The following SBNO2 variants were observed in gnomAD, a reference collection of about 807,000 sequenced individuals.
SBNO2 encodes the protein strawberry notch homolog 2.
SBNO2 carries 89 observed loss-of-function variants against 146.3 expected under a neutral mutation model. That is an observed-to-expected ratio of 0.61 (90% CI 0.51 to 0.73). The LOEUF (loss-of-function observed/expected upper bound fraction) is 0.73, where lower values mean the gene tolerates loss of function less well. SBNO2 is among the 30% of genes least tolerant of loss of function. The probability of loss-of-function intolerance (pLI) is 0.00; values close to 1 mark genes in which losing one functional copy is unlikely to be tolerated. For synonymous variants in SBNO2, 1,147 were observed against 892.6 expected, an observed-to-expected ratio of 1.29 and a Z score of -5.08; for missense variants, 2,092 against 2,003.7, an observed-to-expected ratio of 1.04 and a Z score of -0.84.
In SBNO2 at chr19:1,119,168, C is replaced by T. The variant is rs771998949; in HGVS notation, c.1374-4G>A. On this transcript the variant is annotated splice_region_variant and splice_polypyrimidine_tract_variant and intron_variant, in intron 13 of 31. Transcript: ENST00000361757. ...GATCTCCATGGCGCCAACGCCCCTG[C>T]GGATGGACACAGCCCCCGTGAGCAC... The T allele has an allele frequency of 2.3e-5, 36 of 1,592,020 alleles. No individual in the cohort carries two copies. The highest frequency in any genetic ancestry group is 2.7e-5 in the Non-Finnish European group (32 of 1,171,824).
Position 1,109,119 on chromosome 19 carries a change from C to T in SBNO2, c.3425+16G>A, listed in dbSNP as rs1261233720. The stretch of plus-strand genomic sequence containing the variant: ...GCCATCTGCCGGTTTCCCCCTGGTC[C>T]CCGGCCCGCCCTCACCAGGCGCTGT... On this transcript the variant is annotated intron_variant, in intron 30 of 31. Coordinates refer to ENST00000361757, the MANE Select transcript of SBNO2 (RefSeq NM_014963.3). This position sits in a 1 kb window ranked among gnomAD's most constrained non-coding sequence, Gnocchi z 4.2. The T allele has an allele frequency of 1.9e-6, 3 of 1,548,858 alleles. No individual in the cohort carries two copies. Among genetic ancestry groups the T allele is most frequent in the Non-Finnish European group, 8.7e-7 (1 of 1,146,494 alleles).
At chr19:1,167,710 C>T (rs1355989300) in intron 1 of SBNO2, among the ~76,000 whole-genome samples, 3 of 152,196 alleles carry the variant, frequency 2.0e-5, no homozygotes, top group Non-Finnish European at 4.4e-5. Context: ...ACCACACCCA[C>T]GGCTCCAGGG....
intron 5 of SBNO2, among the ~76,000 whole-genome samples, chr19:1,127,034 C>T (rs909375471): frequency 6.6e-6 from 1 of 152,322 alleles, no homozygotes; most frequent in East Asian, 1.9e-4. Context: ...ATGTCCAGCT[C>T]CCCACCCTGG....
Position 1,157,573 on chromosome 19 carries a change from G to T in SBNO2, c.-126-3171C>A, listed in dbSNP as rs1005269621. The stretch of plus-strand genomic sequence containing the variant: ...GGAGGGATGCGTGGTGTGGGGGTTG[G>T]GGGGGCGGGGGTCACACGGTTCCCA... On this transcript the variant is annotated intron_variant, in intron 1 of 31. Coordinates refer to ENST00000361757, the MANE Select transcript of SBNO2 (RefSeq NM_014963.3). This position sits in a 1 kb window ranked among gnomAD's most constrained non-coding sequence, Gnocchi z 6.8. Among the ~76,000 whole-genome samples, 1 of 152,148 alleles carries T rather than the reference G, an allele frequency of 6.6e-6. No homozygotes were observed. Among genetic ancestry groups the T allele is most frequent in the African/African-American group, 2.4e-5 (1 of 41,442 alleles).
intron 4 of SBNO2, among the ~76,000 whole-genome samples, chr19:1,145,505 A>G (rs552890219): frequency 6.6e-6 from 1 of 151,588 alleles, no homozygotes; most frequent in South Asian, 2.1e-4. Context: ...AAGAAAGGAA[A>G]GAGAGAAGGA....
In SBNO2 at chr19:1,157,340, G is replaced by A. The variant is rs570585554; in HGVS notation, c.-126-2938C>T. On this transcript the variant is annotated intron_variant, in intron 1 of 31. Coordinates refer to ENST00000361757, the MANE Select transcript of SBNO2 (RefSeq NM_014963.3). The surrounding 1 kb of genome is among the most constrained non-coding windows in gnomAD (Gnocchi z 6.8). ...AACGCAGCCTCTGCCACGCAGCCCC[G>A]GAGACGCTCTCCCCACGCGGCCCCG... 4.3e-4 allele frequency among the ~76,000 whole-genome samples: 65 copies of A among 151,238 alleles called. 2 individuals carry two copies. The South Asian group carries it at 0.012, about 27-fold the overall frequency.
In SBNO2 at chr19:1,108,342, GC is replaced by G; in HGVS notation, c.3978del (p.Pro1327ArgfsTer26). The G allele has an allele frequency of 1.5e-6, 2 of 1,321,334 alleles. No homozygotes were observed. The highest frequency in any genetic ancestry group is 3.5e-5 in the South Asian group (2 of 57,124). 81.9% of individuals were successfully genotyped at this position (1,321,334 alleles called of 1,614,324 possible). ...TCCCCCAGCGCGCCCTCGGAGGGCG[GC>G]CCCGCGTGCAGCGAGCGCAGCATGT... ...LEDMLRSLHA[G>X]PPSEGALGEG... On this transcript the variant is annotated frameshift_variant, in exon 32 of 32. Transcript: ENST00000361757. LOFTEE classifies it low-confidence loss of function (END_TRUNC).
chr19:1,139,768 C>T (rs1162581798), intron 4 of SBNO2, among the ~76,000 whole-genome samples: 1 of 151,916 alleles, frequency 6.6e-6, no homozygotes, highest in Non-Finnish European at 1.5e-5. Context: ...GCACTCCAGC[C>T]TGGGAGACAG....
chr19:1,149,153 G>A (rs1395170746), intron 3 of SBNO2, among the ~76,000 whole-genome samples: 1 of 147,246 alleles, frequency 6.8e-6, no homozygotes, highest in African/African-American at 2.5e-5. Context: ...CTCGAGGAGA[G>A]GGAAGCCATG....
At chr19:1,172,990 ATT>A (rs71335343) in intron 1 of SBNO2, among the ~76,000 whole-genome samples, 39,770 of 146,964 alleles carry the variant, frequency 0.27, 5,758 homozygotes, top group Non-Finnish European at 0.33. Flanking sequence ...CATTTAAGAG[ATT>A]TTTTTTTTTT....
At chr19:1,145,556 G>C (rs1022812831) in intron 4 of SBNO2, among the ~76,000 whole-genome samples, 4 of 152,048 alleles carry the variant, frequency 2.6e-5, no homozygotes, top group African/African-American at 9.7e-5. Flanking sequence ...AGAGAAGAAG[G>C]GGGCGGGGCA....
In SBNO2 at chr19:1,122,232, G is replaced by A; in HGVS notation, c.1056C>T (p.Tyr352=). The A allele has an allele frequency of 6.3e-7, 1 of 1,578,576 alleles. No homozygotes were observed. The highest frequency in any genetic ancestry group is 1.3e-5 in the African/African-American group (1 of 74,108). Residue 352 remains tyrosine (Y), a synonymous_variant, in exon 11 of 32, where the codon TAC becomes TAT. Coordinates refer to ENST00000361757, the MANE Select transcript of SBNO2 (RefSeq NM_014963.3). Reference sequence around the variant, plus strand: ...CCTGGCTCTCCCCAATCAGGGCGGAGTAGGTGGCGAAGAGGACGCCCTCTG... The same window carrying A: ...CCTGGCTCTCCCCAATCAGGGCGGAATAGGTGGCGAAGAGGACGCCCTCTG... ...TTSEGVLFAT[Y]SALIGESQAG...
At chr19:1,111,674 C>T in intron 23 of SBNO2, 60 bp from the exon 24 acceptor site, 1 of 1,317,288 alleles carries the variant, frequency 7.6e-7, no homozygotes, top group Non-Finnish European at 1.1e-6. Flanking sequence ...TTCCCTGGAC[C>T]CCTGCCTCCC....
intron 5 of SBNO2, among the ~76,000 whole-genome samples, chr19:1,124,287 T>A (rs1273411983): frequency 6.6e-6 from 1 of 152,192 alleles, no homozygotes; most frequent in African/African-American, 2.4e-5. Context: ...ATGGCCAGTG[T>A]GCCTGCCTGG....
intron 1 of SBNO2, among the ~76,000 whole-genome samples, chr19:1,159,967 C>T (rs1168077227): frequency 1.3e-5 from 2 of 152,004 alleles, no homozygotes; most frequent in African/African-American, 4.8e-5. Context: ...CCCAGAGTGT[C>T]CGGCGCTGCC....
intron 1 of SBNO2, among the ~76,000 whole-genome samples, chr19:1,159,010 C>T (rs1253990871): frequency 6.1e-5 from 9 of 147,426 alleles, no homozygotes; most frequent in African/African-American, 2.3e-4. Context: ...CCTGCACCCG[C>T]GACCCCACCT....
chr19:1,109,476 C>CT lies in SBNO2; in HGVS notation c.3216+29dup. 1 of 1,576,614 alleles carries CT rather than the reference C, an allele frequency of 6.3e-7. No individual in the cohort carries two copies. The highest frequency in any genetic ancestry group is 8.6e-7 in the Non-Finnish European group (1 of 1,162,908). On this transcript the variant is annotated intron_variant, in intron 28 of 31. Coordinates refer to ENST00000361757, the MANE Select transcript of SBNO2 (RefSeq NM_014963.3). The surrounding 1 kb of genome is among the most constrained non-coding windows in gnomAD (Gnocchi z 4.2). Reference sequence around the variant, plus strand: ...CCCGGTCCGCCCCCCGCGGGCCCTCCTCTGGGGGGGTAACCCCGCCCGACC... The same window carrying CT: ...CCCGGTCCGCCCCCCGCGGGCCCTCCTTCTGGGGGGGTAACCCCGCCCGACC...
intron 17 of SBNO2, among the ~76,000 whole-genome samples, chr19:1,114,793 C>T (rs1030308295): frequency 6.6e-6 from 1 of 152,138 alleles, no homozygotes; most frequent in African/African-American, 2.4e-5. Flanking sequence ...CACCACCACG[C>T]CTGGCTAATC....
chr19:1,119,823 G>C (rs759623807), intron 12 of SBNO2, 83 bp downstream of exon 12: 148 of 1,111,778 alleles, frequency 1.3e-4, no homozygotes, highest in Non-Finnish European at 1.5e-4. Context: ...GGCTGAGTAC[G>C]CGTGTGGGAT....
Sources: gnomAD v4.1 joint callset for allele counts (sites outside exome capture counted in the v4.1 genomes callset) on GRCh38, gnomAD v4.1.1 for gene constraint, Gnocchi (gnomAD v3.1) non-coding constraint, MANE v1.5 for transcripts, NCBI Gene and HGNC (gene_info 2026-07-23, HGNC 2026-07-21) for gene names.